The following SIPA1L2 variants were observed in gnomAD, a reference collection of about 807,000 sequenced individuals.
SIPA1L2 encodes the protein signal-induced proliferation-associated 1-like protein 2.
SIPA1L2 carries 56 observed loss-of-function variants against 163.9 expected under a neutral mutation model. That is an observed-to-expected ratio of 0.34 (90% CI 0.28 to 0.43). SIPA1L2 has a LOEUF of 0.43. Ranked by LOEUF, SIPA1L2 falls within the 20% of genes least tolerant of loss-of-function variation. The pLI is 1.00. For synonymous variants in SIPA1L2, 877 were observed against 865.7 expected (o/e 1.01, Z -0.23); for missense variants, 1,974 against 2,193.5 (o/e 0.90, Z 2.00).
rs1661196606 is a variant in SIPA1L2, at chr1:232,415,541, G to C, written c.4715C>G (p.Thr1572Arg). 6.2e-7 allele frequency: 1 copy of C among 1,613,844 alleles called. No individual in the cohort carries two copies. Among genetic ancestry groups the C allele is most frequent in the African/African-American group, 1.3e-5 (1 of 75,050 alleles). The change falls in exon 19 of 23, where the codon ACA becomes AGA. Residue 1572 changes from threonine (T) to arginine (R), a missense_variant. Transcript: ENST00000674635. ...CACGAGGTGGGTCCAATCTAACCCT[G>C]TGGCTGTGTCCGGGAGGGGCATCAG... is the stretch of plus-strand genomic sequence containing the variant. ...PGLMPLPDTA[T>R]GLDWTHLVDA...
chr1:232,455,215 T>G (rs1572922876), intron 10 of SIPA1L2, among the ~76,000 whole-genome samples: 1 of 152,256 alleles, frequency 6.6e-6, no homozygotes, highest in Non-Finnish European at 1.5e-5. Context: ...AATTCAATAC[T>G]GGAGCGTCCA....
chr1:232,542,507 G>A (rs1325929926), intron 2 of SIPA1L2, among the ~76,000 whole-genome samples: 1 of 152,112 alleles, frequency 6.6e-6, no homozygotes, highest in Non-Finnish European at 1.5e-5. Flanking sequence ...ACATGTATCT[G>A]TTCATGTCCA....
chr1:232,467,715 C>A (rs1177116283), intron 8 of SIPA1L2, among the ~76,000 whole-genome samples: 3 of 152,222 alleles, frequency 2.0e-5, no homozygotes, highest in African/African-American at 4.8e-5. Context: ...ACCCATGGAA[C>A]GCTGAGGCGG....
intron 1 of SIPA1L2, among the ~76,000 whole-genome samples, chr1:232,582,327 T>C (rs1381287185): frequency 2.6e-5 from 4 of 152,090 alleles, no homozygotes; most frequent in Non-Finnish European, 5.9e-5. Flanking sequence ...CTCCCTCTAC[T>C]AGTCTGCAGT....
At chr1:232,591,626 T>C (rs1285561679) in intron 1 of SIPA1L2, among the ~76,000 whole-genome samples, 2 of 152,226 alleles carry the variant, frequency 1.3e-5, no homozygotes, top group South Asian at 2.1e-4. Context: ...TGTGATGCAG[T>C]TTACTGACTG....
At chr1:232,489,793 A>G (rs1665834794) in intron 5 of SIPA1L2, among the ~76,000 whole-genome samples, 1 of 152,210 alleles carries the variant, frequency 6.6e-6, no homozygotes, top group Admixed American at 6.5e-5. Flanking sequence ...ATGGCTTTAC[A>G]AACAAATCCA....
intron 1 of SIPA1L2, among the ~76,000 whole-genome samples, chr1:232,597,493 C>A (rs565852553): frequency 6.8e-6 from 1 of 147,858 alleles, no homozygotes; most frequent in Non-Finnish European, 1.5e-5. Context: ...CTGGCTAACA[C>A]GGTGAAACCC....
chr1:232,571,472 T>G (rs781554615), intron 2 of SIPA1L2, among the ~76,000 whole-genome samples: 4 of 152,244 alleles, frequency 2.6e-5, no homozygotes, highest in Non-Finnish European at 5.9e-5. Flanking sequence ...TTTTATACAT[T>G]TCTGTGTTAC....
At chr1:232,485,525 T>C (rs1328092971) in intron 5 of SIPA1L2, among the ~76,000 whole-genome samples, 1 of 152,208 alleles carries the variant, frequency 6.6e-6, no homozygotes, top group East Asian at 1.9e-4. Context: ...TAGACAATCA[T>C]CTTCAAAAAA....
chr1:232,442,553 A>G (rs1257361764), intron 12 of SIPA1L2, among the ~76,000 whole-genome samples: 1 of 115,920 alleles, frequency 8.6e-6, no homozygotes, highest in Non-Finnish European at 1.6e-5. Context: ...ATCTCAAAAG[A>G]AAAAAAAAAA....
At chr1:232,487,039 G>C (rs551228089) in intron 5 of SIPA1L2, among the ~76,000 whole-genome samples, 1 of 152,222 alleles carries the variant, frequency 6.6e-6, no homozygotes, top group Non-Finnish European at 1.5e-5. Flanking sequence ...TCCTGGGATA[G>C]AACTAGGCTT....
chr1:232,538,223 C>T (rs946474390), intron 2 of SIPA1L2, among the ~76,000 whole-genome samples: 1 of 152,158 alleles, frequency 6.6e-6, no homozygotes, highest in Non-Finnish European at 1.5e-5. Flanking sequence ...CTGCTGACAC[C>T]TAGCTCAGCA....
At chr1:232,413,812 C>T (rs1387566051) in intron 19 of SIPA1L2, among the ~76,000 whole-genome samples, 1 of 152,180 alleles carries the variant, frequency 6.6e-6, no homozygotes, top group African/African-American at 2.4e-5. Flanking sequence ...CACAGTGAGG[C>T]CACACAGAGA....
chr1:232,510,237 T>A (rs1666919751), intron 3 of SIPA1L2, among the ~76,000 whole-genome samples: 1 of 151,530 alleles, frequency 6.6e-6, no homozygotes, highest in Admixed American at 6.6e-5. Flanking sequence ...TGAAAATATA[T>A]ATATATATAT....
chr1:232,579,591 T>C (rs939671628), intron 1 of SIPA1L2, among the ~76,000 whole-genome samples: 4 of 152,230 alleles, frequency 2.6e-5, no homozygotes, highest in African/African-American at 4.8e-5. Flanking sequence ...ATAGAATAGG[T>C]TGAACCATAT....
At chr1:232,584,863 A>G (rs1660573063) in intron 1 of SIPA1L2, among the ~76,000 whole-genome samples, 1 of 152,238 alleles carries the variant, frequency 6.6e-6, no homozygotes, top group South Asian at 2.1e-4. Flanking sequence ...AATAGGCTTG[A>G]GCACTTCTGG....
At chr1:232,563,607 T>C (rs1348863460) in intron 2 of SIPA1L2, among the ~76,000 whole-genome samples, 1 of 152,218 alleles carries the variant, frequency 6.6e-6, no homozygotes, top group Non-Finnish European at 1.5e-5. Context: ...CTTTTAAGAA[T>C]TACCTGGGGA....
intron 1 of SIPA1L2, among the ~76,000 whole-genome samples, chr1:232,597,689 C>CAAAAAAAAAAAA (rs376123118): frequency 1.2e-4 from 8 of 65,384 alleles, no homozygotes; most frequent in African/African-American, 3.0e-4. Flanking sequence ...AACTCTGTCT[C>CAAAAAAAAAAAA]AAAAAAAAAA....
chr1:232,561,061 A>T (rs557892881), intron 2 of SIPA1L2, among the ~76,000 whole-genome samples: 1 of 152,242 alleles, frequency 6.6e-6, no homozygotes, highest in Non-Finnish European at 1.5e-5. Context: ...GTGCATAAAA[A>T]GTCATTTGGT....
Sources: gnomAD v4.1 joint callset for allele counts (sites outside exome capture counted in the v4.1 genomes callset) on GRCh38, gnomAD v4.1.1 for gene constraint, MANE v1.5 for transcripts, NCBI Gene and HGNC (gene_info 2026-07-23, HGNC 2026-07-21) for gene names.